Variants in TRIO observed in about 807,000 individuals in gnomAD.
TRIO encodes trio Rho guanine nucleotide exchange factor.
TRIO carries 58 observed loss-of-function variants against 351.9 expected under a neutral mutation model. The ratio of observed to expected loss-of-function variants is 0.16; its 90% confidence interval spans 0.13 to 0.21. The LOEUF is 0.21. TRIO is among the 10% of genes least tolerant of loss of function. The pLI is 1.00. For missense variants in TRIO, 3,201 were observed against 4,027.8 expected (o/e 0.79, Z 5.56); for synonymous variants, 1,758 against 1,595.7 (o/e 1.10, Z -2.42).
chr5:14,344,285 G>T (rs955952341), intron 11 of TRIO, among the ~76,000 whole-genome samples: 1 of 152,204 alleles, frequency 6.6e-6, no homozygotes, highest in Non-Finnish European at 1.5e-5. Flanking sequence ...TACATAGACT[G>T]CGGTATCTAG....
At chr5:14,382,070 A>G (rs1484399681) in intron 21 of TRIO, among the ~76,000 whole-genome samples, 2 of 152,124 alleles carry the variant, frequency 1.3e-5, no homozygotes, top group Non-Finnish European at 2.9e-5. Flanking sequence ...GTATTTTCTG[A>G]AGTGCCTCTA....
chr5:14,460,522 G>C (rs925680065), intron 34 of TRIO, among the ~76,000 whole-genome samples: 2 of 152,214 alleles, frequency 1.3e-5, no homozygotes, highest in African/African-American at 4.8e-5. Flanking sequence ...TTCACTGGTA[G>C]AGAATCAAAC....
intron 9 of TRIO, among the ~76,000 whole-genome samples, chr5:14,321,904 A>G (rs1280580547): frequency 6.6e-6 from 1 of 152,192 alleles, no homozygotes; most frequent in Non-Finnish European, 1.5e-5. Context: ...GCCATGTAAG[A>G]CATGCCTTTG....
intron 1 of TRIO, among the ~76,000 whole-genome samples, chr5:14,208,848 C>A (rs1581356550): frequency 6.6e-6 from 1 of 152,222 alleles, no homozygotes; most frequent in African/African-American, 2.4e-5. Context: ...TGAAGTGGAA[C>A]TCTGAACCCT....
intron 1 of TRIO, among the ~76,000 whole-genome samples, 163 bp downstream of exon 1, chr5:14,144,045 C>CTGCCCG (rs1197950456): frequency 2.0e-5 from 3 of 151,944 alleles, no homozygotes; most frequent in Non-Finnish European, 4.4e-5. Context: ...TGCGCCGGGG[C>CTGCCCG]TGCCCGCCCC....
chr5:14,388,820 C>A, intron 24 of TRIO, 141 bp downstream of exon 24: 1 of 976,696 alleles, frequency 1.0e-6, no homozygotes. Context: ...TATGCTTCAG[C>A]AGCCGGTTTC....
rs3804218 is a variant in TRIO at position 14,468,676 on chromosome 5, G to A, written c.5764-2642G>A. Among the ~76,000 whole-genome samples the A allele has an allele frequency of 1.9e-4, 29 of 152,332 alleles. No individual in the cohort carries two copies. In the East Asian group the frequency reaches 4.8e-3, roughly 25 times the overall value. ...CTAAACTTATACTGACTCTGCAGTA[G>A]ATCCTTAAGCATCCACATGTGTTTT... On this transcript the variant is annotated intron_variant, in intron 37 of 56. Coordinates refer to ENST00000344204, the MANE Select transcript of TRIO (RefSeq NM_007118.4).
intron 9 of TRIO, among the ~76,000 whole-genome samples, chr5:14,317,102 G>C (rs1739442870): frequency 6.6e-6 from 1 of 152,352 alleles, no homozygotes; most frequent in East Asian, 1.9e-4. Flanking sequence ...TATGTAAACA[G>C]TGAGGTGGTC....
At position 14,403,702 on chromosome 5, in the gene TRIO, TGTG is replaced by T. The variant is rs536365080; in HGVS notation, c.4717-2142_4717-2140del. 3.6e-4 allele frequency among the ~76,000 whole-genome samples: 9 copies of T among 24,972 alleles called. No homozygotes were observed. In the South Asian group the frequency reaches 6.1e-3, roughly 17 times the overall value. 16.4% of individuals were successfully genotyped at this position (24,972 alleles called of 152,430 possible). On this transcript the variant is annotated intron_variant, in intron 31 of 56. Transcript: ENST00000344204. Reference sequence around the variant, plus strand: ...TGCAGGTGGTGGTGAGGGTGTAGGTTGTGGTGAGGGTGTAGGTTGTGGTGAGGG... The same window carrying T: ...TGCAGGTGGTGGTGAGGGTGTAGGTTGTGAGGGTGTAGGTTGTGGTGAGGG...
intron 1 of TRIO, among the ~76,000 whole-genome samples, chr5:14,206,732 T>C (rs1326008325): frequency 6.6e-6 from 1 of 152,236 alleles, no homozygotes; most frequent in Non-Finnish European, 1.5e-5. Context: ...TATAGTATTT[T>C]ACAGCCACTT....
chr5:14,339,177 C>T (rs1193993045), intron 11 of TRIO, among the ~76,000 whole-genome samples: 1 of 151,960 alleles, frequency 6.6e-6, no homozygotes, highest in Non-Finnish European at 1.5e-5. Context: ...GTGAAAGTTG[C>T]AGTGAGCCGA....
At position 14,373,796 on chromosome 5, in the gene TRIO, C is replaced by A. The variant is rs376315524; in HGVS notation, c.3217-433C>A. ...TGTGACGGAGAAACAGACTGTATGACCCCCCAAAACTGAAAGTGTTTACTG... is the reference window on the plus strand; with the variant it reads ...TGTGACGGAGAAACAGACTGTATGAACCCCCAAAACTGAAAGTGTTTACTG... On this transcript the variant is annotated intron_variant, in intron 18 of 56. Coordinates refer to ENST00000344204, the MANE Select transcript of TRIO (RefSeq NM_007118.4). 1.3e-4 allele frequency among the ~76,000 whole-genome samples: 20 copies of A among 152,278 alleles called. No homozygotes were observed. In the East Asian group the frequency reaches 2.5e-3, roughly 19 times the overall value.
intron 34 of TRIO, among the ~76,000 whole-genome samples, chr5:14,455,593 T>C (rs764541667): frequency 5.9e-5 from 9 of 152,138 alleles, no homozygotes; most frequent in Non-Finnish European, 1.2e-4. Flanking sequence ...AGAGTGCTGA[T>C]TGGTGCATTT....
At chr5:14,421,204 T>C (rs1455438064) in intron 34 of TRIO, among the ~76,000 whole-genome samples, 1 of 144,412 alleles carries the variant, frequency 6.9e-6, no homozygotes, top group African/African-American at 2.8e-5. Flanking sequence ...TTTTTCTTTT[T>C]TCCCTTATTT....
chr5:14,465,519 C>G (rs79312837), intron 36 of TRIO, 26 bp from the exon 37 acceptor site: 21 of 1,612,504 alleles, frequency 1.3e-5, no homozygotes, highest in East Asian at 2.2e-5. Flanking sequence ...TGCCCCACCC[C>G]CTCCTTTTCT....
rs1170706749 is a variant in TRIO at position 14,397,040 on chromosome 5, C to T, written c.4312-3C>T. 1 of 1,597,410 alleles carries T rather than the reference C, an allele frequency of 6.3e-7. No individual in the cohort carries two copies. The highest frequency in any genetic ancestry group is 8.5e-7 in the Non-Finnish European group (1 of 1,172,908). ...ACCTAGTTTCTGTTGTTTATCTTTG[C>T]AGGAGCTGCTGACGTGCTGTGAGGA... On this transcript the variant is annotated splice_region_variant and splice_polypyrimidine_tract_variant and intron_variant, in intron 28 of 56. Coordinates refer to ENST00000344204, the MANE Select transcript of TRIO (RefSeq NM_007118.4).
chr5:14,487,769 G>A lies in TRIO; in HGVS notation c.7141G>A (p.Ala2381Thr). The A allele has an allele frequency of 7.3e-7, 1 of 1,369,276 alleles. No individual in the cohort carries two copies. The highest frequency in any genetic ancestry group is 1.7e-5 in the South Asian group (1 of 58,392). 84.8% of individuals were successfully genotyped at this position (1,369,276 alleles called of 1,614,324 possible). The part of the protein sequence containing the change: ...TPGPSLPPPG[A>T]APEAGPSAPS... ...CGGGCCCTCCCTGCCTCCCCCTGGC[G>A]CGGCCCCCGAGGCCGGCCCCAGCGC... The change falls in exon 48 of 57, where the codon GCG (alanine) becomes ACG (threonine). Residue 2381 changes from alanine (A) to threonine (T), a missense_variant. This residue lies in a region of TRIO where 1,089 missense variants were observed against 954.9 expected (regional missense o/e 1.14). Coordinates refer to ENST00000344204, the MANE Select transcript of TRIO (RefSeq NM_007118.4).
chr5:14,168,783 C>T (rs1020081637), intron 1 of TRIO, among the ~76,000 whole-genome samples: 2 of 152,178 alleles, frequency 1.3e-5, no homozygotes, highest in Non-Finnish European at 2.9e-5. Context: ...TCTATGTGGC[C>T]ATCTTCTCAT....
chr5:14,281,579 A>T (rs549644242), intron 3 of TRIO, among the ~76,000 whole-genome samples: 1 of 152,314 alleles, frequency 6.6e-6, no homozygotes, highest in Admixed American at 6.5e-5. Flanking sequence ...TCTGGAAAAC[A>T]TAATACCATG....
Sources: allele counts gnomAD v4.1 joint callset (sites outside exome capture counted in the v4.1 genomes callset), GRCh38; gene constraint gnomAD v4.1.1; regional missense constraint gnomAD v4.1.1; transcripts MANE v1.5; gene names NCBI Gene and HGNC (gene_info 2026-07-23, HGNC 2026-07-21).